PRKG1: variants seen among roughly 807,000 people sequenced by gnomAD.
PRKG1 encodes cGMP-dependent protein kinase 1.
PRKG1 carries 35 observed loss-of-function variants against 88.1 expected under a neutral mutation model. The ratio of observed to expected loss-of-function variants is 0.40; its 90% CI spans 0.30 to 0.53. The LOEUF is 0.53. Among genes scored for constraint, PRKG1 ranks in the 20% least tolerant of loss-of-function variants. PRKG1 has a pLI of 0.59. For synonymous variants in PRKG1, 303 were observed against 292.5 expected, an observed-to-expected ratio of 1.04 and a Z score of -0.37; for missense variants, 540 against 839.8, an observed-to-expected ratio of 0.64 and a Z score of 4.41.
chr10:51,428,000 C>G (rs528867757), intron 2 of PRKG1, among the ~76,000 whole-genome samples: 2 of 152,218 alleles, frequency 1.3e-5, no homozygotes, highest in Non-Finnish European at 2.9e-5. Context: ...GTCCCATTAG[C>G]TGGTGGACAG....
chr10:51,700,599 T>C (rs990537997), intron 3 of PRKG1, among the ~76,000 whole-genome samples: 1 of 152,116 alleles, frequency 6.6e-6, no homozygotes, highest in African/African-American at 2.4e-5. Context: ...AATTCGAAGC[T>C]AGAACTGAAG....
Position 51,858,311 on chromosome 10 carries a change from TG to T in PRKG1, c.699-49195del, listed in dbSNP as rs1840756041. Among the ~76,000 whole-genome samples, 16 of 14,552 alleles carry T rather than the reference TG, an allele frequency of 1.1e-3. 5 individuals carry two copies. The highest frequency in any genetic ancestry group is 4.3e-3 in the African/African-American group (16 of 3,726). 9.5% of individuals were successfully genotyped at this position (14,552 alleles called of 152,430 possible). Reference sequence around the variant, plus strand: ...ATTATACATATGTATAATATATATATGTATAATATGTATTATATATAATATA... The same window carrying T: ...ATTATACATATGTATAATATATATATTATAATATGTATTATATATAATATA... On this transcript the variant is annotated intron_variant, in intron 4 of 17. Transcript: ENST00000373980.
chr10:52,251,684 A>G lies in PRKG1; in HGVS notation c.1173+18A>G, dbSNP rs555533673. 1.3e-5 allele frequency: 20 copies of G among 1,590,460 alleles called. No homozygotes were observed. The South Asian group carries it at 2.0e-4, about 16-fold the overall frequency. On this transcript the variant is annotated intron_variant, in intron 10 of 17. Transcript: ENST00000373980. ...TAGAACTGGTAGGTGATTGTTCTTTAAATGCTTTTGATCGCCTCTGCTTCC... is the reference window on the plus strand; with the variant it reads ...TAGAACTGGTAGGTGATTGTTCTTTGAATGCTTTTGATCGCCTCTGCTTCC...
chr10:52,148,109 A>G (rs1410195687), intron 8 of PRKG1, among the ~76,000 whole-genome samples: 1 of 152,232 alleles, frequency 6.6e-6, no homozygotes, highest in Non-Finnish European at 1.5e-5. Context: ...GACTCCTGGG[A>G]TCAAATTCTA....
intron 3 of PRKG1, among the ~76,000 whole-genome samples, chr10:51,664,270 C>A (rs1233727405): frequency 1.3e-5 from 2 of 152,128 alleles, no homozygotes; most frequent in African/African-American, 4.8e-5. Flanking sequence ...TAAAATAATA[C>A]AACTCTTAAG....
chr10:51,384,532 C>G (rs1450599151), intron 2 of PRKG1, among the ~76,000 whole-genome samples: 1 of 152,142 alleles, frequency 6.6e-6, no homozygotes, highest in Non-Finnish European at 1.5e-5. Flanking sequence ...GGGCCACATT[C>G]TGAGTTTGAT....
intron 4 of PRKG1, among the ~76,000 whole-genome samples, chr10:51,813,703 C>A (rs909972305): frequency 6.6e-6 from 1 of 152,120 alleles, no homozygotes; most frequent in African/African-American, 2.4e-5. Flanking sequence ...ATATTAGTCC[C>A]TGCACATTGC....
intron 3 of PRKG1, among the ~76,000 whole-genome samples, chr10:51,548,655 A>C (rs1347983411): frequency 6.6e-6 from 1 of 152,136 alleles, no homozygotes; most frequent in Non-Finnish European, 1.5e-5. Context: ...ACTATTTCAT[A>C]AACTACTTCA....
chr10:51,764,901 G>A (rs541427664), intron 3 of PRKG1, among the ~76,000 whole-genome samples: 43 of 152,270 alleles, frequency 2.8e-4, no homozygotes, highest in Non-Finnish European at 5.6e-4. Context: ...CTTTCATCTT[G>A]TGTGGACACA....
At chr10:51,750,514 T>C (rs933878402) in intron 3 of PRKG1, among the ~76,000 whole-genome samples, 1 of 152,180 alleles carries the variant, frequency 6.6e-6, no homozygotes, top group Non-Finnish European at 1.5e-5. Flanking sequence ...TGCCAGGCAA[T>C]GAGCTAGCTG....
intron 5 of PRKG1, among the ~76,000 whole-genome samples, chr10:51,987,571 T>C (rs982947854): frequency 6.6e-6 from 1 of 152,104 alleles, no homozygotes; most frequent in African/African-American, 2.4e-5. Flanking sequence ...TTGTGTGAAT[T>C]GGAAGTGACT....
intron 10 of PRKG1, among the ~76,000 whole-genome samples, chr10:52,255,528 T>A (rs1480755876): frequency 6.6e-6 from 1 of 152,040 alleles, no homozygotes; most frequent in Non-Finnish European, 1.5e-5. Flanking sequence ...AAACATAACC[T>A]CTGTCTTTTT....
intron 7 of PRKG1, among the ~76,000 whole-genome samples, chr10:52,109,406 A>T (rs1392292049): frequency 6.6e-6 from 1 of 152,230 alleles, no homozygotes; most frequent in African/African-American, 2.4e-5. Context: ...GGTTAGGAAA[A>T]TACAGGGTTT....
At chr10:51,241,845 T>C (rs973118233) in intron 2 of PRKG1, among the ~76,000 whole-genome samples, 2 of 152,002 alleles carry the variant, frequency 1.3e-5, no homozygotes, top group Non-Finnish European at 2.9e-5. Flanking sequence ...CCTTAAAAAA[T>C]CAACCATCCA....
intron 7 of PRKG1, among the ~76,000 whole-genome samples, chr10:52,064,557 C>G (rs991179653): frequency 2.3e-4 from 35 of 152,318 alleles, no homozygotes; most frequent in African/African-American, 8.2e-4. Context: ...CTTCGGGCAG[C>G]TGTAGCTGCA....
intron 2 of PRKG1, among the ~76,000 whole-genome samples, chr10:51,358,550 A>G (rs1222559758): frequency 2.6e-5 from 4 of 151,962 alleles, no homozygotes; most frequent in East Asian, 1.9e-4. Flanking sequence ...ACTGAAAACT[A>G]TAATTCTGGG....
chr10:51,837,682 G>C lies in PRKG1; in HGVS notation c.698+32992G>C, dbSNP rs1840166935. Among the ~76,000 whole-genome samples, 3 of 152,054 alleles carry C rather than the reference G, an allele frequency of 2.0e-5. No homozygotes were observed. The South Asian group carries it at 6.2e-4, about 32-fold the overall frequency. On this transcript the variant is annotated intron_variant, in intron 4 of 17. Coordinates refer to ENST00000373980, the MANE Select transcript of PRKG1 (RefSeq NM_006258.4). The stretch of plus-strand genomic sequence containing the variant: ...TAACCTACATGCATTTGTCTCTCCA[G>C]TAGCATTTACCACACTGTCCGGATG...
chr10:51,463,485 T>A (rs926835886), intron 2 of PRKG1, among the ~76,000 whole-genome samples: 1 of 151,528 alleles, frequency 6.6e-6, no homozygotes, highest in African/African-American at 2.4e-5. Flanking sequence ...AGCCACAGAA[T>A]GAAAAAGAAG....
chr10:51,394,644 T>G (rs1405196356), intron 2 of PRKG1, among the ~76,000 whole-genome samples: 6 of 152,040 alleles, frequency 3.9e-5, no homozygotes, highest in African/African-American at 1.2e-4. Flanking sequence ...GACCAAAGAG[T>G]CACTAGCACT....
Sources: gnomAD v4.1 joint callset for allele counts (sites outside exome capture counted in the v4.1 genomes callset) on GRCh38, gnomAD v4.1.1 for gene constraint, MANE v1.5 for transcripts, NCBI Gene and HGNC (gene_info 2026-07-23, HGNC 2026-07-21) for gene names.